The following ARHGAP25 variants were observed in gnomAD, a reference collection of about 807,000 sequenced individuals.
The protein encoded by ARHGAP25 is rho GTPase-activating protein 25.
ARHGAP25 carries 34 observed loss-of-function variants against 71.0 expected under a neutral mutation model. The observed-to-expected ratio is 0.48, with a 90% confidence interval of 0.36 to 0.64. The LOEUF is 0.64. Ranked by LOEUF, ARHGAP25 falls within the 30% of genes least tolerant of loss-of-function variation. The pLI is 0.00. For missense variants in ARHGAP25, 706 were observed against 805.1 expected (o/e 0.88, Z 1.49); for synonymous variants, 282 against 296.5 (o/e 0.95, Z 0.50).
At chr2:68,823,198 T>C (rs1312486498) in intron 10 of ARHGAP25, among the ~76,000 whole-genome samples, 1 of 152,246 alleles carries the variant, frequency 6.6e-6, no homozygotes, top group Non-Finnish European at 1.5e-5. Flanking sequence ...CATTCATTGA[T>C]TCTGCAAATA....
At position 68,735,167 on chromosome 2, in the gene ARHGAP25, C is replaced by T; in HGVS notation, c.-33C>T. 1 of 1,585,152 alleles carries T rather than the reference C, an allele frequency of 6.3e-7. No homozygotes were observed. The highest frequency in any genetic ancestry group is 8.7e-7 in the Non-Finnish European group (1 of 1,153,800). On this transcript the variant is annotated 5_prime_UTR_variant, in exon 1 of 11. Transcript: ENST00000409202. ...GGCGCAAACTGTGACAGACTCACCG[C>T]TTCACTAACTACTCACTTAAACTGG...
intron 2 of ARHGAP25, among the ~76,000 whole-genome samples, chr2:68,780,865 T>C (rs2104387296): frequency 1.3e-5 from 2 of 152,320 alleles, no homozygotes; most frequent in Admixed American, 1.3e-4. Context: ...TCTCCATCGG[T>C]ACTTTGTTTT....
At chr2:68,785,707 T>C (rs74411026) in intron 3 of ARHGAP25, among the ~76,000 whole-genome samples, 8,646 of 152,022 alleles carry the variant, frequency 0.057, 351 homozygotes, top group East Asian at 0.18. Flanking sequence ...CAACTTGGAG[T>C]AGGGGGAAGA....
At chr2:68,755,297 C>T (rs781034998) in intron 1 of ARHGAP25, among the ~76,000 whole-genome samples, 4 of 152,118 alleles carry the variant, frequency 2.6e-5, no homozygotes, top group Non-Finnish European at 4.4e-5. Flanking sequence ...ACTCTCAACC[C>T]TCCTTTTCCA....
intron 1 of ARHGAP25, among the ~76,000 whole-genome samples, chr2:68,737,946 G>T (rs4854502): frequency 0.12 from 17,870 of 152,132 alleles, 1,294 homozygotes; most frequent in East Asian, 0.24. Flanking sequence ...AGCTGAAGAG[G>T]GTCTTGCTGG....
chr2:68,750,730 G>T (rs1676118341), intron 1 of ARHGAP25, among the ~76,000 whole-genome samples: 1 of 152,218 alleles, frequency 6.6e-6, no homozygotes. Context: ...CTTCTTCTCT[G>T]AGGTTCCCTG....
chr2:68,756,746 A>C (rs1316433385), intron 1 of ARHGAP25, among the ~76,000 whole-genome samples: 1 of 152,214 alleles, frequency 6.6e-6, no homozygotes, highest in Non-Finnish European at 1.5e-5. Flanking sequence ...TCCAGTTGTT[A>C]GCAAAAAATT....
intron 1 of ARHGAP25, among the ~76,000 whole-genome samples, chr2:68,774,269 G>A (rs1436333644): frequency 2.6e-5 from 4 of 152,152 alleles, no homozygotes; most frequent in African/African-American, 9.7e-5. Flanking sequence ...AGTGTTGAAT[G>A]GGGACCAGGG....
At chr2:68,822,209 T>C in intron 9 of ARHGAP25, 131 bp from the exon 10 acceptor site, 1 of 861,850 alleles carries the variant, frequency 1.2e-6, no homozygotes, top group South Asian at 1.7e-5. Flanking sequence ...AATCAAGTAA[T>C]GTGATACATT....
At chr2:68,745,446 C>T (rs1389888997) in intron 1 of ARHGAP25, among the ~76,000 whole-genome samples, 2 of 152,220 alleles carry the variant, frequency 1.3e-5, no homozygotes, top group Non-Finnish European at 2.9e-5. Flanking sequence ...ATTAGGTCCT[C>T]CTTACCATAG....
chr2:68,744,189 A>T (rs914086357), intron 1 of ARHGAP25, among the ~76,000 whole-genome samples: 1 of 151,950 alleles, frequency 6.6e-6, no homozygotes, highest in Admixed American at 6.5e-5. Flanking sequence ...AAAATCACAC[A>T]AAAATTCCTA....
chr2:68,814,037 A>G (rs1435676487), intron 6 of ARHGAP25, among the ~76,000 whole-genome samples: 1 of 152,196 alleles, frequency 6.6e-6, no homozygotes, highest in Non-Finnish European at 1.5e-5. Flanking sequence ...TCAACCAACC[A>G]ACCAAACAAC....
intron 6 of ARHGAP25, among the ~76,000 whole-genome samples, chr2:68,815,565 C>A (rs984901490): frequency 6.7e-6 from 1 of 149,808 alleles, no homozygotes; most frequent in Non-Finnish European, 1.5e-5. Flanking sequence ...ATTCTTCTGC[C>A]TCAGCCTCCC....
intron 4 of ARHGAP25, among the ~76,000 whole-genome samples, chr2:68,795,831 G>C (rs1409173649): frequency 6.6e-6 from 1 of 152,172 alleles, no homozygotes; most frequent in Non-Finnish European, 1.5e-5. Context: ...CTGTCTAGAT[G>C]ATCTGGGTAA....
chr2:68,731,422 G>A (rs906664441), upstream of ARHGAP25, among the ~76,000 whole-genome samples: 4 of 151,748 alleles, frequency 2.6e-5, no homozygotes, highest in African/African-American at 7.3e-5. Context: ...CCATGCTGCC[G>A]ACCTCTCTCC....
intron 2 of ARHGAP25, 42 bp downstream of exon 2, chr2:68,775,462 A>T: frequency 6.2e-7 from 1 of 1,612,582 alleles, no homozygotes; most frequent in Non-Finnish European, 8.5e-7. Flanking sequence ...GGCACGGAGG[A>T]GGCGGGCCTG....
At chr2:68,783,702 A>G (rs1263696631) in intron 3 of ARHGAP25, among the ~76,000 whole-genome samples, 1 of 152,136 alleles carries the variant, frequency 6.6e-6, no homozygotes, top group Admixed American at 6.5e-5. Flanking sequence ...ACCTCAGGCA[A>G]TCCACCTGCC....
chr2:68,729,044 A>T lies in ARHGAP25; in HGVS notation c.-18+18346A>T, dbSNP rs182524803. Among the ~76,000 whole-genome samples, 587 of 152,364 alleles carry T rather than the reference A, an allele frequency of 3.9e-3. 3 individuals are homozygous for T. The highest frequency in any genetic ancestry group is 0.013 in the African/African-American group (554 of 41,586). ...GACTTCATTATGTGAAATGTCCAGA[A>T]CAGACACCTTTGTCCATACACAAAT... On this transcript the variant is annotated intron_variant and NMD_transcript_variant, in intron 2 of 7. Coordinates refer to the ARHGAP25 transcript ENST00000463483.
intron 1 of ARHGAP25, among the ~76,000 whole-genome samples, chr2:68,746,656 G>A (rs1389494006): frequency 6.6e-6 from 1 of 151,960 alleles, no homozygotes; most frequent in Non-Finnish European, 1.5e-5. Context: ...AATGGAAATG[G>A]AGATGGAGGG....
Sources: gnomAD v4.1 joint callset for allele counts (sites outside exome capture counted in the v4.1 genomes callset) on GRCh38, gnomAD v4.1.1 for gene constraint, MANE v1.5 for transcripts, NCBI Gene and HGNC (gene_info 2026-07-23, HGNC 2026-07-21) for gene names.